IL12RB2: variants seen among roughly 807,000 people sequenced by gnomAD.
IL12RB2 encodes the protein interleukin 12 receptor subunit beta 2.
IL12RB2 carries 82 observed loss-of-function variants against 89.4 expected under a neutral mutation model. The observed-to-expected ratio is 0.92, with a 90% CI of 0.77 to 1.10. The LOEUF is 1.10. Among genes scored for constraint, IL12RB2 ranks in the 50% least tolerant of loss-of-function variants. The pLI, the probability that IL12RB2 is intolerant of heterozygous loss-of-function variation, is 0.00. For synonymous variants in IL12RB2, 368 were observed against 370.1 expected (o/e 0.99, Z 0.07); for missense variants, 963 against 1,031.9 (o/e 0.93, Z 0.92).
chr1:67,329,444 T>G (rs1460677498), intron 6 of IL12RB2, 143 bp from the exon 7 acceptor site: 1 of 687,842 alleles, frequency 1.5e-6, no homozygotes, highest in Non-Finnish European at 2.7e-6. Flanking sequence ...CCTGGAACTT[T>G]TCTCTTGTAT....
At chr1:67,369,235 C>T (rs904027087) in intron 11 of IL12RB2, among the ~76,000 whole-genome samples, 1 of 152,120 alleles carries the variant, frequency 6.6e-6, no homozygotes, top group Non-Finnish European at 1.5e-5. Context: ...TATTAGGAGC[C>T]TGGAACTTCT....
At chr1:67,360,196 G>A (rs1027775042) in intron 10 of IL12RB2, among the ~76,000 whole-genome samples, 1 of 152,042 alleles carries the variant, frequency 6.6e-6, no homozygotes, top group Non-Finnish European at 1.5e-5. Context: ...GAGGTCAGGA[G>A]TTTGAAGCCA....
At chr1:67,365,853 T>A (rs1019851144) in intron 10 of IL12RB2, among the ~76,000 whole-genome samples, 1 of 152,064 alleles carries the variant, frequency 6.6e-6, no homozygotes, top group Admixed American at 6.5e-5. Context: ...AGAAGGGTCA[T>A]CTTAAGGGGC....
intron 10 of IL12RB2, among the ~76,000 whole-genome samples, chr1:67,355,933 C>T (rs1169329185): frequency 6.6e-6 from 1 of 152,216 alleles, no homozygotes; most frequent in East Asian, 1.9e-4. Context: ...AGTTGATTTA[C>T]TTAGCTAATT....
At position 67,373,469 on chromosome 1, in the gene IL12RB2, C is replaced by T. The variant is rs145711042; in HGVS notation, c.1717+686C>T. ...CCTCTGGAGAACTTTTAAATCCCCA[C>T]ATTTGCAATTACTATTATGGCATAT... On this transcript the variant is annotated intron_variant, in intron 13 of 16. Transcript: ENST00000674203. Among the ~76,000 whole-genome samples, 6 of 152,352 alleles carry T rather than the reference C, an allele frequency of 3.9e-5. No individual in the cohort carries two copies. In the East Asian group the frequency reaches 9.6e-4, roughly 24 times the overall value.
intron 10 of IL12RB2, among the ~76,000 whole-genome samples, chr1:67,353,105 T>A (rs1005513659): frequency 6.6e-6 from 1 of 152,148 alleles, no homozygotes; most frequent in African/African-American, 2.4e-5. Flanking sequence ...ACAACCTAAG[T>A]GTATAATAGT....
intron 14 of IL12RB2, among the ~76,000 whole-genome samples, chr1:67,383,038 A>T (rs1300664728): frequency 6.6e-6 from 1 of 152,202 alleles, no homozygotes; most frequent in Non-Finnish European, 1.5e-5. Context: ...CTATAAGGAC[A>T]TACCTGAGAC....
In IL12RB2 at chr1:67,329,574, TCCTGGTTACTAGTGAG is replaced by T. The variant is rs2089967656; in HGVS notation, c.665-12_668del. 1 of 1,545,344 alleles carries T rather than the reference TCCTGGTTACTAGTGAG, an allele frequency of 6.5e-7. No homozygotes were observed. The highest frequency in any genetic ancestry group is 9.0e-7 in the Non-Finnish European group (1 of 1,117,184). On this transcript the variant is annotated splice_acceptor_variant and splice_polypyrimidine_tract_variant and coding_sequence_variant and intron_variant, in exon 7 of 17. Transcript: ENST00000674203. LOFTEE classifies it high-confidence loss of function. ...ATCCTGAACCACACTTTTTTGTTTG[TCCTGGTTACTAGTGAG>T]GCCTCTTCCTCCGTGGGACATTAGA...
At chr1:67,381,059 T>G (rs881089) in intron 14 of IL12RB2, among the ~76,000 whole-genome samples, 1 of 151,962 alleles carries the variant, frequency 6.6e-6, no homozygotes, top group African/African-American at 2.4e-5. Flanking sequence ...CAAAATTACA[T>G]GGTTATACCT....
chr1:67,323,771 T>G (rs911627582), intron 4 of IL12RB2, among the ~76,000 whole-genome samples: 1 of 152,142 alleles, frequency 6.6e-6, no homozygotes, highest in African/African-American at 2.4e-5. Context: ...GAATAAAACA[T>G]TAAATCTAAG....
At chr1:67,315,601 A>C (rs542725752) in intron 2 of IL12RB2, among the ~76,000 whole-genome samples, 3 of 152,326 alleles carry the variant, frequency 2.0e-5, no homozygotes, top group African/African-American at 7.2e-5. Flanking sequence ...ACAGGAAAAA[A>C]ATAATACAAA....
At chr1:67,340,291 C>T (rs771456841) in intron 9 of IL12RB2, among the ~76,000 whole-genome samples, 1 of 152,198 alleles carries the variant, frequency 6.6e-6, no homozygotes, top group Non-Finnish European at 1.5e-5. Flanking sequence ...AATAGCAAGA[C>T]AATTCTCAAA....
rs370544465 is a variant in IL12RB2, at chr1:67,367,962, G to A, written c.1396G>A (p.Asp466Asn). Residue 466 changes from aspartate to asparagine, a missense_variant, in exon 11 of 17, where the codon GAC becomes AAC. Coordinates refer to ENST00000674203, the MANE Select transcript of IL12RB2 (RefSeq NM_001374259.2). Reference protein sequence around the residue: ...VEWRELHPGGDTQVPLNWLRS... With the variant: ...VEWRELHPGGNTQVPLNWLRS... ...ATGGAGAGAGCTCCATCCAGGGGGTGACACACAGGTCCCTCTAAACTGGCT... is the reference window on the plus strand; with the variant it reads ...ATGGAGAGAGCTCCATCCAGGGGGTAACACACAGGTCCCTCTAAACTGGCT... 123 of 1,610,788 alleles carry A rather than the reference G, an allele frequency of 7.6e-5. No homozygotes were observed. Among genetic ancestry groups the A allele is most frequent in the Non-Finnish European group, 1.0e-4 (121 of 1,177,118 alleles).
At chr1:67,309,002 A>G (rs1569644976) in intron 1 of IL12RB2, among the ~76,000 whole-genome samples, 1 of 152,188 alleles carries the variant, frequency 6.6e-6, no homozygotes, top group Non-Finnish European at 1.5e-5. Context: ...CCTGGGCAAC[A>G]GAGCGAGACT....
rs114345824 is a variant in IL12RB2 at position 67,330,412 on chromosome 1, G to A, written c.808-248G>A. Among the ~76,000 whole-genome samples, 602 of 152,020 alleles carry A rather than the reference G, an allele frequency of 4.0e-3. 7 individuals are homozygous for A. The highest frequency in any genetic ancestry group is 0.014 in the African/African-American group (577 of 41,478). On this transcript the variant is annotated intron_variant, in intron 7 of 16. Coordinates refer to ENST00000674203, the MANE Select transcript of IL12RB2 (RefSeq NM_001374259.2). ...TTCAGCTGGTTTCAGGATTCCCCTC[G>A]AGAACCTACATAGATGGGTTCTTAG...
intron 10 of IL12RB2, among the ~76,000 whole-genome samples, chr1:67,357,194 T>TAAAA (rs1661491619): frequency 6.6e-6 from 1 of 151,876 alleles, no homozygotes; most frequent in Non-Finnish European, 1.5e-5. Context: ...CTGTCTCTAC[T>TAAAA]AAAAAAATAA....
intron 8 of IL12RB2, among the ~76,000 whole-genome samples, chr1:67,333,487 T>C (rs10889681): frequency 0.74 from 111,585 of 151,262 alleles, 42,062 homozygotes; most frequent in Non-Finnish European, 0.81. Context: ...TTGAGAGAAA[T>C]GTAACATCTC....
chr1:67,385,341 T>G (rs1287180818), intron 14 of IL12RB2, among the ~76,000 whole-genome samples: 1 of 152,134 alleles, frequency 6.6e-6, no homozygotes, highest in Non-Finnish European at 1.5e-5. Context: ...ACCATCAGAT[T>G]CTTGTGAGAA....
intron 15 of IL12RB2, among the ~76,000 whole-genome samples, chr1:67,389,073 C>T (rs941369362): frequency 1.3e-5 from 2 of 152,044 alleles, no homozygotes; most frequent in African/African-American, 4.8e-5. Flanking sequence ...ACCCAAAGCA[C>T]AGTGGCTTAA....
Sources: allele counts gnomAD v4.1 joint callset (sites outside exome capture counted in the v4.1 genomes callset), GRCh38; gene constraint gnomAD v4.1.1; transcripts MANE v1.5; gene names NCBI Gene and HGNC (gene_info 2026-07-23, HGNC 2026-07-21).